Variants in PDE8B observed in about 807,000 individuals in gnomAD.
The protein encoded by PDE8B is phosphodiesterase 8B.
A neutral mutation model predicts 101.3 loss-of-function variants in PDE8B; 26 were observed. The observed-to-expected ratio is 0.26, with a 90% CI of 0.19 to 0.36. The LOEUF (loss-of-function observed/expected upper bound fraction) is 0.36. Ranked by LOEUF, PDE8B falls within the 10% of genes least tolerant of loss-of-function variation. The pLI is 1.00. For synonymous variants in PDE8B, 424 were observed against 429.3 expected, an observed-to-expected ratio of 0.99 and a Z score of 0.15; for missense variants, 810 against 1,163.1, an observed-to-expected ratio of 0.70 and a Z score of 4.42.
chr5:77,348,352 A>G (rs900148025), intron 7 of PDE8B, among the ~76,000 whole-genome samples: 2 of 152,208 alleles, frequency 1.3e-5, no homozygotes, highest in Admixed American at 1.3e-4. Context: ...TTGAAAAGAA[A>G]TCAGAGGGTG....
chr5:77,225,881 C>CACACA (rs397813784), intron 1 of PDE8B, among the ~76,000 whole-genome samples: 1 of 102,284 alleles, frequency 9.8e-6, no homozygotes, highest in Non-Finnish European at 2.0e-5. Flanking sequence ...CACACACACA[C>CACACA]CCCACGCACA....
the PDE8B span, chr5:77,146,253 T>C: frequency 6.6e-6 from 1 of 152,184 alleles, no homozygotes; most frequent in African/African-American, 2.4e-5. Flanking sequence ...AGTAAATGTA[T>C]TTTGTGTGTG....
At chr5:77,223,527 C>A (rs547845248) in intron 1 of PDE8B, among the ~76,000 whole-genome samples, 1 of 151,720 alleles carries the variant, frequency 6.6e-6, no homozygotes, top group African/African-American at 2.4e-5. Context: ...GTTGGAAAAA[C>A]GGAGGAAGAA....
At chr5:77,165,397 A>G in the PDE8B span, 1 of 152,224 alleles carries the variant, frequency 6.6e-6, no homozygotes, top group Admixed American at 6.5e-5. Flanking sequence ...TCAGCATAGC[A>G]CTGGGTCCAA....
the PDE8B span, among the ~76,000 whole-genome samples, chr5:77,180,979 TGTGTGTGTG>T: frequency 3.3e-5 from 5 of 151,238 alleles, 1 homozygote; most frequent in South Asian, 1.0e-3. Flanking sequence ...TGTGTGTGTG[TGTGTGTGTG>T]TGTGTGTGTG....
chr5:77,130,206 T>C, the PDE8B span, among the ~76,000 whole-genome samples: 1 of 152,062 alleles, frequency 6.6e-6, no homozygotes. Flanking sequence ...CAATTAACCA[T>C]GTAGAAAAGA....
chr5:77,217,535 C>A (rs952958278), intron 1 of PDE8B, among the ~76,000 whole-genome samples: 3 of 151,538 alleles, frequency 2.0e-5, no homozygotes, highest in Admixed American at 1.3e-4. Context: ...TAGTAGAAAA[C>A]ACCAATTTTT....
chr5:77,220,171 C>T lies in PDE8B; in HGVS notation c.339+8907C>T, dbSNP rs561525949. On this transcript the variant is annotated intron_variant, in intron 1 of 21. Coordinates refer to ENST00000264917, the MANE Select transcript of PDE8B (RefSeq NM_003719.5). ...TTGTGGTTGCTGCCCTGCCCTTCTTCTCAGTCACATGTGGAGCCCAGGGTG... is the reference window on the plus strand; with the variant it reads ...TTGTGGTTGCTGCCCTGCCCTTCTTTTCAGTCACATGTGGAGCCCAGGGTG... 2.0e-5 allele frequency among the ~76,000 whole-genome samples: 3 copies of T among 152,314 alleles called. No individual in the cohort carries two copies. In the East Asian group the frequency reaches 5.8e-4, roughly 29 times the overall value.
At chr5:77,118,276 A>C in the PDE8B span, 1 of 398,038 alleles carries the variant, frequency 2.5e-6, no homozygotes, top group Non-Finnish European at 4.4e-6. Context: ...CTAAGTTTAG[A>C]AGCATCTAAA....
rs114403319 is a variant in PDE8B, at chr5:77,271,072, G to A, written c.340-40922G>A. Among the ~76,000 whole-genome samples the A allele has an allele frequency of 3.9e-3, 600 of 152,316 alleles. 3 individuals carry two copies. Among genetic ancestry groups the A allele is most frequent in the African/African-American group, 0.013 (550 of 41,568 alleles). On this transcript the variant is annotated intron_variant, in intron 1 of 21. Coordinates refer to ENST00000264917, the MANE Select transcript of PDE8B (RefSeq NM_003719.5). ...CAAGGGGATGTGCTATAACTGCATC[G>A]CAGTGGCTAGGCCCCACCCTTCTCA... is the stretch of plus-strand genomic sequence containing the variant.
chr5:77,124,965 C>G, the PDE8B span, among the ~76,000 whole-genome samples: 17,587 of 152,094 alleles, frequency 0.12, 1,111 homozygotes, highest in East Asian at 0.16. Flanking sequence ...TTCTTCACAC[C>G]TGTTAGGATT....
chr5:77,252,930 A>G (rs1392230640), intron 1 of PDE8B, among the ~76,000 whole-genome samples: 2 of 152,178 alleles, frequency 1.3e-5, no homozygotes, highest in Non-Finnish European at 2.9e-5. Flanking sequence ...ACGAAGTCTA[A>G]TCTCTGCAAT....
intron 10 of PDE8B, among the ~76,000 whole-genome samples, chr5:77,372,373 A>C (rs1228561709): frequency 6.6e-6 from 1 of 152,182 alleles, no homozygotes; most frequent in Non-Finnish European, 1.5e-5. Flanking sequence ...CTTGGTCTGT[A>C]GTTATCTGTT....
At chr5:77,206,564 A>G (rs1747516467), upstream of PDE8B, among the ~76,000 whole-genome samples, 1 of 152,198 alleles carries the variant, frequency 6.6e-6, no homozygotes, top group Non-Finnish European at 1.5e-5. Context: ...ACTGGCTAAC[A>G]ATGTTGGATA....
the PDE8B span, chr5:77,144,388 T>C: frequency 6.6e-6 from 1 of 152,160 alleles, no homozygotes; most frequent in Non-Finnish European, 1.5e-5. Flanking sequence ...AGATTTGAAG[T>C]GCTGTCAGGT....
intron 1 of PDE8B, among the ~76,000 whole-genome samples, chr5:77,280,568 A>G (rs1287023547): frequency 6.6e-6 from 1 of 152,192 alleles, no homozygotes; most frequent in Non-Finnish European, 1.5e-5. Context: ...ACTTATTGTC[A>G]GTTTTTTTCC....
At chr5:77,273,304 A>C (rs66472767) in intron 1 of PDE8B, among the ~76,000 whole-genome samples, 13,650 of 152,218 alleles carry the variant, frequency 0.09, 1,304 homozygotes, top group African/African-American at 0.24. Context: ...TCTGTAATTT[A>C]TTTCAAATCA....
chr5:77,180,538 T>A, the PDE8B span: 1 of 964,590 alleles, frequency 1.0e-6, no homozygotes, highest in Non-Finnish European at 1.2e-6. Context: ...CCCTCACACC[T>A]GGGTACCCGG....
At chr5:77,366,168 G>T (rs1784095437) in intron 10 of PDE8B, among the ~76,000 whole-genome samples, 2 of 152,056 alleles carry the variant, frequency 1.3e-5, no homozygotes, top group South Asian at 4.1e-4. Flanking sequence ...GATTTATACA[G>T]TTTCCTGCTT....
Sources: gnomAD v4.1 joint callset for allele counts (sites outside exome capture counted in the v4.1 genomes callset) on GRCh38, gnomAD v4.1.1 for gene constraint, MANE v1.5 for transcripts, NCBI Gene and HGNC (gene_info 2026-07-23, HGNC 2026-07-21) for gene names.